Variants in AOAH observed in about 807,000 individuals in gnomAD.
The protein encoded by AOAH is acyloxyacyl hydrolase (neutrophil).
A neutral mutation model predicts 92.2 loss-of-function variants in AOAH; 64 were observed. That is an observed-to-expected ratio of 0.69 (90% CI 0.57 to 0.86). AOAH has a LOEUF of 0.86. Ranked by LOEUF, AOAH falls within the 40% of genes least tolerant of loss-of-function variation. AOAH has a pLI of 0.00. For synonymous variants in AOAH, 263 were observed against 254.5 expected, an observed-to-expected ratio of 1.03 and a Z score of -0.32; for missense variants, 656 against 694.6, an observed-to-expected ratio of 0.94 and a Z score of 0.62.
chr7:36,595,004 C>A (rs1024737177), intron 11 of AOAH, among the ~76,000 whole-genome samples: 4 of 152,058 alleles, frequency 2.6e-5, no homozygotes, highest in South Asian at 4.2e-4. Flanking sequence ...CCCTGCAACT[C>A]CTGCACAATT....
At chr7:36,627,143 G>A (rs1426062275) in intron 6 of AOAH, among the ~76,000 whole-genome samples, 3 of 152,172 alleles carry the variant, frequency 2.0e-5, no homozygotes, top group Non-Finnish European at 4.4e-5. Flanking sequence ...TACAGTTCCT[G>A]CAATTTAGGA....
At chr7:36,652,967 A>G (rs868141148) in intron 4 of AOAH, among the ~76,000 whole-genome samples, 1 of 152,238 alleles carries the variant, frequency 6.6e-6, no homozygotes, top group African/African-American at 2.4e-5. Context: ...CTACTAAGGT[A>G]TATACAGTAG....
intron 1 of AOAH, among the ~76,000 whole-genome samples, chr7:36,702,206 T>C (rs1383499303): frequency 2.0e-5 from 3 of 152,206 alleles, no homozygotes; most frequent in Non-Finnish European, 4.4e-5. Flanking sequence ...TATGTGCATA[T>C]ACATATATAC....
intron 3 of AOAH, among the ~76,000 whole-genome samples, chr7:36,664,686 T>C (rs952348458): frequency 5.3e-5 from 8 of 152,200 alleles, no homozygotes; most frequent in African/African-American, 1.9e-4. Flanking sequence ...TTGCATTGAA[T>C]CTACATGTGT....
chr7:36,521,953 A>G, intron 20 of AOAH, 86 bp downstream of exon 20: 1 of 1,163,274 alleles, frequency 8.6e-7, no homozygotes, highest in Non-Finnish European at 1.3e-6. Context: ...AAACAGGATA[A>G]AAATAAACAC....
intron 1 of AOAH, among the ~76,000 whole-genome samples, chr7:36,722,935 GAAAAAAAAAAAAAAAAA>G (rs11407908): frequency 2.0e-5 from 1 of 49,462 alleles, no homozygotes; most frequent in Admixed American, 2.9e-4. Flanking sequence ...ATCCATCTCA[GAAAAAAAAAAAAAAAAA>G]AAAAAAAAAG....
intron 11 of AOAH, among the ~76,000 whole-genome samples, chr7:36,604,944 T>C (rs947124196): frequency 6.6e-6 from 1 of 152,214 alleles, no homozygotes; most frequent in African/African-American, 2.4e-5. Flanking sequence ...TTGAGCTCTT[T>C]AGCGGTCAGG....
At chr7:36,571,447 C>G (rs943742379) in intron 13 of AOAH, among the ~76,000 whole-genome samples, 3 of 152,208 alleles carry the variant, frequency 2.0e-5, no homozygotes, top group Non-Finnish European at 4.4e-5. Flanking sequence ...TTAGCCCCAC[C>G]ATCCTCAGGG....
At chr7:36,556,769 G>T in intron 13 of AOAH, among the ~76,000 whole-genome samples, 1 of 134,854 alleles carries the variant, frequency 7.4e-6, no homozygotes, top group Admixed American at 7.7e-5. Flanking sequence ...GATCTTTGTT[G>T]GTTTAAAGTC....
chr7:36,655,904 A>G (rs1171942679), intron 4 of AOAH, among the ~76,000 whole-genome samples: 1 of 152,146 alleles, frequency 6.6e-6, no homozygotes, highest in East Asian at 1.9e-4. Flanking sequence ...AAGTTCAAGA[A>G]AGGAATATAC....
chr7:36,513,725 T>C (rs1156883631), intron 20 of AOAH, among the ~76,000 whole-genome samples: 2 of 152,166 alleles, frequency 1.3e-5, no homozygotes, highest in Admixed American at 1.3e-4. Context: ...AGTCCTGCAG[T>C]CTCAACGGGA....
At chr7:36,721,922 T>C (rs1042357737) in intron 1 of AOAH, among the ~76,000 whole-genome samples, 1 of 152,196 alleles carries the variant, frequency 6.6e-6, no homozygotes, top group Non-Finnish European at 1.5e-5. Flanking sequence ...TCCTGTCTTT[T>C]GGAATTCTCT....
intron 1 of AOAH, among the ~76,000 whole-genome samples, chr7:36,718,247 C>A (rs900516817): frequency 7.2e-5 from 11 of 151,746 alleles, no homozygotes; most frequent in Non-Finnish European, 1.3e-4. Flanking sequence ...AAATTAAAAC[C>A]AAAAATGAGA....
intron 15 of AOAH, among the ~76,000 whole-genome samples, chr7:36,544,236 C>T (rs753618871): frequency 2.6e-5 from 4 of 152,206 alleles, no homozygotes; most frequent in South Asian, 4.1e-4. Flanking sequence ...TAAGCCACTG[C>T]GCCCGGCCCC....
At chr7:36,617,661 T>C (rs1791997443) in intron 10 of AOAH, among the ~76,000 whole-genome samples, 1 of 152,242 alleles carries the variant, frequency 6.6e-6, no homozygotes, top group Non-Finnish European at 1.5e-5. Flanking sequence ...TATAAAACAG[T>C]GATGTTACCA....
chr7:36,673,221 T>A (rs1304982784), intron 3 of AOAH, among the ~76,000 whole-genome samples: 1 of 152,198 alleles, frequency 6.6e-6, no homozygotes, highest in Admixed American at 6.5e-5. Context: ...AGGGCTTATT[T>A]GATTCAGTGC....
rs577451912 is a variant in AOAH at position 36,558,935 on chromosome 7, G to T, written c.1022-9460C>A. On this transcript the variant is annotated intron_variant, in intron 13 of 20. Coordinates refer to ENST00000617537, the MANE Select transcript of AOAH (RefSeq NM_001637.4). ...TTGACCCCTTGCACTTCCCGAGTGAGGCAATGCCTCGCCCTGTTTTGGCTC... is the reference window on the plus strand; with the variant it reads ...TTGACCCCTTGCACTTCCCGAGTGATGCAATGCCTCGCCCTGTTTTGGCTC... Among the ~76,000 whole-genome samples, 25 of 152,388 alleles carry T rather than the reference G, an allele frequency of 1.6e-4. No individual in the cohort carries two copies. In the South Asian group the frequency reaches 3.7e-3, roughly 23 times the overall value.
chr7:36,721,599 CCCAGGCAGAGTTAA>C (rs1436395600), intron 1 of AOAH, among the ~76,000 whole-genome samples: 2 of 152,126 alleles, frequency 1.3e-5, no homozygotes, highest in Non-Finnish European at 2.9e-5. Context: ...GAATAAGTCA[CCCAGGCAGAGTTAA>C]CCAGAAGAAG....
In AOAH at chr7:36,617,170, GAGGGTGGCCT is replaced by G. The variant is rs536233665; in HGVS notation, c.752-706_752-697del. On this transcript the variant is annotated intron_variant, in intron 10 of 20. Transcript: ENST00000617537. ...CTTCCAAACTCCTCAAGTCATGCAA[GAGGGTGGCCT>G]AGTCTCACTGCAGTGGCTCCCCAGG... Among the ~76,000 whole-genome samples the G allele has an allele frequency of 3.0e-4, 45 of 152,302 alleles. 1 individual carries two copies. In the East Asian group the frequency reaches 5.6e-3, roughly 19 times the overall value.
Sources: allele counts gnomAD v4.1 joint callset (sites outside exome capture counted in the v4.1 genomes callset), GRCh38; gene constraint gnomAD v4.1.1; transcripts MANE v1.5; gene names NCBI Gene and HGNC (gene_info 2026-07-23, HGNC 2026-07-21).